The following NTM variants were observed in gnomAD, a reference collection of about 807,000 sequenced individuals.
NTM encodes the protein neurotrimin.
In NTM, 13 loss-of-function variants were observed where a neutral mutation model predicts 42.1. That is an observed-to-expected ratio of 0.31 (90% CI 0.20 to 0.49). NTM has a LOEUF of 0.49. NTM is among the 20% of genes least tolerant of loss of function. NTM has a pLI of 0.99. For missense variants in NTM, 373 were observed against 452.8 expected (o/e 0.82, Z 1.60); for synonymous variants, 187 against 179.2 (o/e 1.04, Z -0.35).
chr11:131,871,044 A>G (rs2047725855), intron 1 of NTM, among the ~76,000 whole-genome samples: 2 of 152,214 alleles, frequency 1.3e-5, no homozygotes, highest in Non-Finnish European at 2.9e-5. Flanking sequence ...ATCTGAAAGC[A>G]CCATTACATT....
intron 1 of NTM, among the ~76,000 whole-genome samples, chr11:131,610,208 C>T (rs1233817948): frequency 6.6e-6 from 1 of 152,192 alleles, no homozygotes; most frequent in African/African-American, 2.4e-5. Flanking sequence ...CTAGGGACTC[C>T]AGCAAGGGCG....
intron 1 of NTM, among the ~76,000 whole-genome samples, chr11:131,674,265 T>G (rs188873498): frequency 1.3e-5 from 2 of 152,248 alleles, no homozygotes; most frequent in African/African-American, 4.8e-5. Flanking sequence ...TGAAAAGGAA[T>G]GCAGTTCATA....
At position 131,983,186 on chromosome 11, in the gene NTM, CA is replaced by C. The variant is rs144001613; in HGVS notation, c.167+71540del. 4.5e-3 allele frequency among the ~76,000 whole-genome samples: 686 copies of C among 151,976 alleles called. 9 individuals carry two copies. The highest frequency in any genetic ancestry group is 0.016 in the African/African-American group (644 of 41,410). On this transcript the variant is annotated intron_variant, in intron 2 of 8. Coordinates refer to ENST00000683400, the MANE Select transcript of NTM (RefSeq NM_001352005.2). ...TCTTGACCTCAGTAGATCCCATTTT[CA>C]ATAACCTGTATTGTACCTTCAATCC...
At chr11:131,424,600 C>CTTGTTTTTTTTTTTTTTTTTT (rs1947878217) in intron 1 of NTM, among the ~76,000 whole-genome samples, 1 of 56,052 alleles carries the variant, frequency 1.8e-5, no homozygotes, top group Non-Finnish European at 3.2e-5. Context: ...CTTTTCTTTT[C>CTTGTTTTTTTTTTTTTTTTTT]TTTTTTTTTT....
chr11:131,696,296 C>T (rs551901927), intron 1 of NTM, among the ~76,000 whole-genome samples: 64 of 152,192 alleles, frequency 4.2e-4, no homozygotes, highest in Middle Eastern at 3.4e-3. Flanking sequence ...AGTGCAAGTC[C>T]GGGAAAACAA....
rs377739708 is a variant in NTM, at chr11:131,432,839, CTTTTTTTTTTTTTTT to C, written c.82+61969_82+61983del. Reference sequence around the variant, plus strand: ...CTACAAAAGATGAAGATTTAGCATTCTTTTTTTTTTTTTTTTTTTTTTTTTTTTTTTTGAGACGGA... The same window carrying C: ...CTACAAAAGATGAAGATTTAGCATTCTTTTTTTTTTTTTTTTTGAGACGGA... On this transcript the variant is annotated intron_variant, in intron 1 of 8. Transcript: ENST00000683400. Among the ~76,000 whole-genome samples, 109 of 68,708 alleles carry C rather than the reference CTTTTTTTTTTTTTTT, an allele frequency of 1.6e-3. 2 individuals carry two copies. Among genetic ancestry groups the C allele is most frequent in the African/African-American group, 5.6e-3 (90 of 16,096 alleles). 45.1% of individuals were successfully genotyped at this position (68,708 alleles called of 152,430 possible).
At chr11:131,478,768 C>T (rs554173700) in intron 1 of NTM, among the ~76,000 whole-genome samples, 28 of 152,320 alleles carry the variant, frequency 1.8e-4, no homozygotes, top group African/African-American at 5.3e-4. Context: ...GGTTACATTT[C>T]GAAGATGTCT....
At chr11:131,843,079 T>C (rs888399553) in intron 1 of NTM, among the ~76,000 whole-genome samples, 6 of 152,076 alleles carry the variant, frequency 3.9e-5, no homozygotes, top group African/African-American at 7.2e-5. Flanking sequence ...ATTCCAAACA[T>C]ATAGGAAAAT....
At chr11:132,184,032 T>C (rs925550610) in intron 3 of NTM, among the ~76,000 whole-genome samples, 3 of 152,120 alleles carry the variant, frequency 2.0e-5, no homozygotes, top group African/African-American at 7.2e-5. Context: ...TTCTCTATGG[T>C]GCCTGGTGCC....
At chr11:131,536,974 C>T (rs2136734751) in intron 1 of NTM, 1 of 152,278 alleles carries the variant, frequency 6.6e-6, no homozygotes, top group East Asian at 1.9e-4. Context: ...CACCTGGCTT[C>T]CAGCCAGCCT....
chr11:131,949,990 TTC>T (rs1165082389), intron 2 of NTM, among the ~76,000 whole-genome samples: 2 of 152,244 alleles, frequency 1.3e-5, no homozygotes, highest in Non-Finnish European at 2.9e-5. Context: ...TGAAGGATGC[TTC>T]TCTGTTTTGT....
chr11:131,821,450 C>A (rs757998450), intron 1 of NTM, among the ~76,000 whole-genome samples: 8 of 152,204 alleles, frequency 5.3e-5, no homozygotes, highest in Non-Finnish European at 8.8e-5. Context: ...TCGGTGGTCA[C>A]GCCAGCAAAC....
chr11:131,915,746 C>T (rs546716612), intron 2 of NTM, among the ~76,000 whole-genome samples: 11 of 152,200 alleles, frequency 7.2e-5, no homozygotes, highest in East Asian at 1.9e-4. Flanking sequence ...TTTTACACGG[C>T]GGCAGATGAG....
At chr11:131,447,448 G>C (rs1174595544) in intron 1 of NTM, among the ~76,000 whole-genome samples, 1 of 152,126 alleles carries the variant, frequency 6.6e-6, no homozygotes, top group Non-Finnish European at 1.5e-5. Flanking sequence ...TTCAATTAGA[G>C]CGCTCCCTGT....
intron 3 of NTM, among the ~76,000 whole-genome samples, chr11:132,173,971 G>A (rs973224575): frequency 6.6e-6 from 1 of 152,156 alleles, no homozygotes; most frequent in African/African-American, 2.4e-5. Context: ...GCCAAAGAGT[G>A]TGTCCTAAAT....
intron 1 of NTM, among the ~76,000 whole-genome samples, chr11:131,486,116 T>C (rs770419332): frequency 5.3e-5 from 8 of 152,070 alleles, no homozygotes; most frequent in Non-Finnish European, 1.0e-4. Context: ...GAATACAGAA[T>C]GAAGGACACT....
chr11:132,126,859 C>T (rs1362417203), intron 2 of NTM, among the ~76,000 whole-genome samples: 5 of 152,122 alleles, frequency 3.3e-5, no homozygotes, highest in Non-Finnish European at 7.3e-5. Context: ...TTCTGTGACC[C>T]GCAAAGCGTG....
chr11:131,546,806 G>A (rs1042485013), intron 1 of NTM: 5 of 152,312 alleles, frequency 3.3e-5, no homozygotes, highest in African/African-American at 1.2e-4. Flanking sequence ...AGGAAAGCAG[G>A]AGGCCCGGAA....
At chr11:132,263,886 A>G (rs1326202504) in intron 4 of NTM, among the ~76,000 whole-genome samples, 2 of 152,174 alleles carry the variant, frequency 1.3e-5, no homozygotes, top group Non-Finnish European at 2.9e-5. Context: ...GGCTTTTACC[A>G]TTCATATTTC....
Sources: gnomAD v4.1 joint callset for allele counts (sites outside exome capture counted in the v4.1 genomes callset) on GRCh38, gnomAD v4.1.1 for gene constraint, MANE v1.5 for transcripts, NCBI Gene and HGNC (gene_info 2026-07-23, HGNC 2026-07-21) for gene names.